Variants in APOOL observed in about 807,000 individuals in gnomAD.
APOOL encodes MICOS complex subunit MIC27.
In APOOL, 12 loss-of-function variants were observed where a neutral mutation model predicts 23.1. The observed-to-expected ratio is 0.52, with a 90% CI of 0.33 to 0.84. APOOL has a LOEUF of 0.84. Ranked by LOEUF, APOOL falls within the 40% of genes least tolerant of loss-of-function variation. The pLI, the probability that APOOL is intolerant of heterozygous loss-of-function variation, is 0.02. For missense variants in APOOL, 212 were observed against 199.6 expected (o/e 1.06, Z -0.37); for synonymous variants, 77 against 69.9 (o/e 1.10, Z -0.51).
At chrX:85,005,149 A>G (rs1425773610) in intron 1 of APOOL, among the ~76,000 whole-genome samples, 5 of 108,712 alleles carry the variant, frequency 4.6e-5, no homozygotes, top group Non-Finnish European at 7.6e-5. Flanking sequence ...ATTTTATTTT[A>G]TTTTTTATTT....
At chrX:85,071,997 A>G (rs949743022) in intron 6 of APOOL, among the ~76,000 whole-genome samples, 15 of 111,658 alleles carry the variant, frequency 1.3e-4, no homozygotes, top group Admixed American at 1.3e-3. Flanking sequence ...AGTCCCAGCT[A>G]CTCGGGAAGC....
chrX:85,067,742 T>G (rs1923514893), intron 6 of APOOL, among the ~76,000 whole-genome samples: 1 of 111,225 alleles, frequency 9.0e-6, no homozygotes, highest in Admixed American at 9.6e-5. Flanking sequence ...TTCTGTCTTT[T>G]TCTTGTGAGC....
chrX:85,062,944 T>C (rs1183652184), intron 5 of APOOL, among the ~76,000 whole-genome samples: 2 of 111,788 alleles, frequency 1.8e-5, no homozygotes, highest in Non-Finnish European at 3.8e-5. Context: ...ATCTTTAAAT[T>C]CCATTGGGCA....
Position 85,091,086 on chromosome X carries a change from G to C in APOOL, c.*3408G>C, listed in dbSNP as rs1036326804. On this transcript the variant is annotated 3_prime_UTR_variant, in exon 9 of 9. Transcript: ENST00000373173. ...GAAACCCTGTCTCTACTAAAAACAC[G>C]CAAAAAGTGCAAAATTAGCTAGGCG... 2 of 111,263 alleles carry C rather than the reference G, an allele frequency of 1.8e-5. No homozygotes were observed. The highest frequency in any genetic ancestry group is 2.9e-4 in the East Asian group (1 of 3,503). 9.2% of individuals were successfully genotyped at this position (111,263 alleles called of 1,213,427 possible).
intron 1 of APOOL, among the ~76,000 whole-genome samples, chrX:85,022,141 C>G (rs1387303755): frequency 8.9e-6 from 1 of 112,313 alleles, no homozygotes; most frequent in African/African-American, 3.2e-5. Context: ...GGCTTCACTG[C>G]TGAATTCTAC....
chrX:85,059,852 C>A (rs1459304663), intron 5 of APOOL, among the ~76,000 whole-genome samples: 3 of 110,523 alleles, frequency 2.7e-5, no homozygotes, highest in Admixed American at 9.7e-5. Flanking sequence ...ATGGTAGTTT[C>A]TTTTGCTGTG....
chrX:85,027,641 CT>C (rs1208610167), intron 1 of APOOL, among the ~76,000 whole-genome samples: 2 of 111,685 alleles, frequency 1.8e-5, no homozygotes, highest in Non-Finnish European at 3.8e-5. Context: ...TTCATCCACT[CT>C]GCCAATATCT....
At chrX:85,040,860 A>G (rs183640569) in intron 1 of APOOL, among the ~76,000 whole-genome samples, 30 of 111,725 alleles carry the variant, frequency 2.7e-4, no homozygotes, top group African/African-American at 9.1e-4. Context: ...ATTCCTATCT[A>G]TATTCTAAAC....
chrX:85,032,095 C>T (rs759494191), intron 1 of APOOL, among the ~76,000 whole-genome samples: 303 of 111,780 alleles, frequency 2.7e-3, no homozygotes, highest in African/African-American at 9.2e-3. Flanking sequence ...TGGCAATATT[C>T]GGTATTTGTC....
chrX:85,084,532 T>G (rs1924225585), intron 8 of APOOL, among the ~76,000 whole-genome samples: 1 of 109,978 alleles, frequency 9.1e-6, no homozygotes, highest in Admixed American at 9.8e-5. Flanking sequence ...GTTTTTTTTT[T>G]TCTCAAAATC....
chrX:85,035,668 G>A (rs1207899260), intron 1 of APOOL, among the ~76,000 whole-genome samples: 2 of 110,882 alleles, frequency 1.8e-5, no homozygotes, highest in Non-Finnish European at 3.8e-5. Context: ...TTCTGCATAG[G>A]GCCCACCAGT....
chrX:85,071,980 CGCCTGTAGTCCCAGCTACTCGGGAAGCT>C (rs1277707246), intron 6 of APOOL, among the ~76,000 whole-genome samples: 1 of 111,162 alleles, frequency 9.0e-6, no homozygotes, highest in East Asian at 2.8e-4. Flanking sequence ...TGGTGGCGTG[CGCCTGTAGTCCCAGCTACTCGGGAAGCT>C]GAGACAGGAG....
At chrX:85,039,297 T>C (rs66524314) in intron 1 of APOOL, among the ~76,000 whole-genome samples, 6,366 of 109,888 alleles carry the variant, frequency 0.058, 446 homozygotes, top group African/African-American at 0.19. Flanking sequence ...TTTTTTTGTG[T>C]GTGTATTTTT....
At chrX:85,040,232 C>G (rs1922360651) in intron 1 of APOOL, among the ~76,000 whole-genome samples, 2 of 112,176 alleles carry the variant, frequency 1.8e-5, no homozygotes, top group Admixed American at 9.4e-5. Flanking sequence ...GGCCCCAAAT[C>G]TCTTCTGGCT....
chrX:85,056,894 T>C (rs1359962036), intron 5 of APOOL, among the ~76,000 whole-genome samples: 18 of 111,979 alleles, frequency 1.6e-4, no homozygotes. Context: ...CTGTCTGCAG[T>C]CAGACCTTCT....
chrX:85,011,027 T>G (rs774413555), intron 1 of APOOL, among the ~76,000 whole-genome samples: 1 of 111,912 alleles, frequency 8.9e-6, no homozygotes, highest in South Asian at 3.7e-4. Flanking sequence ...TTATTTTTAA[T>G]TATGGCCATT....
At chrX:85,032,158 TTAAC>T (rs1456540966) in intron 1 of APOOL, among the ~76,000 whole-genome samples, 6 of 112,624 alleles carry the variant, frequency 5.3e-5, no homozygotes, top group African/African-American at 9.7e-5. Context: ...TTTAGCCTGA[TTAAC>T]AAACTGGCTA....
intron 8 of APOOL, among the ~76,000 whole-genome samples, chrX:85,077,463 T>C (rs2147664520): frequency 9.0e-6 from 1 of 111,284 alleles, no homozygotes; most frequent in Admixed American, 9.6e-5. Flanking sequence ...CTGCATAGTA[T>C]TCCATGGTGT....
intron 6 of APOOL, among the ~76,000 whole-genome samples, chrX:85,072,718 C>T (rs986122149): frequency 8.1e-5 from 9 of 110,898 alleles, no homozygotes; most frequent in Non-Finnish European, 1.3e-4. Flanking sequence ...AGTAGATCTA[C>T]GGTATATAAA....
Sources: allele counts gnomAD v4.1 joint callset (sites outside exome capture counted in the v4.1 genomes callset), GRCh38; gene constraint gnomAD v4.1.1; transcripts MANE v1.5; gene names NCBI Gene and HGNC (gene_info 2026-07-23, HGNC 2026-07-21).